NF2: variants seen among roughly 807,000 people sequenced by gnomAD.
NF2 encodes the protein merlin.
In NF2, 8 loss-of-function variants were observed where a neutral mutation model predicts 83.7. The observed-to-expected ratio is 0.10, with a 90% CI of 0.06 to 0.17. The LOEUF (loss-of-function observed/expected upper bound fraction) is 0.17. Among genes scored for constraint, NF2 ranks in the 10% least tolerant of loss-of-function variants. The probability of loss-of-function intolerance (pLI) is 1.00; values close to 1 mark genes in which losing one functional copy is unlikely to be tolerated. For synonymous variants in NF2, 266 were observed against 269.6 expected, an observed-to-expected ratio of 0.99 and a Z score of 0.13; for missense variants, 533 against 744.4, an observed-to-expected ratio of 0.72 and a Z score of 3.31.
Position 29,670,094 on chromosome 22 carries a change from G to C in NF2, c.999+1648G>C, listed in dbSNP as rs141506257. Among the ~76,000 whole-genome samples the C allele has an allele frequency of 1.7e-3, 263 of 152,112 alleles. 4 individuals are homozygous for C. The East Asian group carries it at 0.024, about 14-fold the overall frequency. On this transcript the variant is annotated intron_variant, in intron 10 of 15. Transcript: ENST00000338641. The stretch of plus-strand genomic sequence containing the variant: ...GCTCACTGTAACCTCAAGCTCCTGG[G>C]CTTGAGCAATCCTTCTGCCTCAGCC...
chr22:29,647,796 A>C (rs1474755165), intron 4 of NF2, among the ~76,000 whole-genome samples: 1 of 152,180 alleles, frequency 6.6e-6, no homozygotes, highest in African/African-American at 2.4e-5. Context: ...ACTGATAAAT[A>C]AACCTAGTTT....
intron 9 of NF2, 61 bp from the exon 10 acceptor site, chr22:29,668,272 C>T: frequency 8.2e-7 from 1 of 1,224,062 alleles, no homozygotes; most frequent in Non-Finnish European, 1.2e-6. Flanking sequence ...CACTAGTGGG[C>T]CAGTAGGCAG....
chr22:29,625,135 G>A (rs1443764625), intron 1 of NF2, among the ~76,000 whole-genome samples: 1 of 151,920 alleles, frequency 6.6e-6, no homozygotes, highest in African/African-American at 2.4e-5. Context: ...CACCATGTTG[G>A]CCAGGATGGT....
At chr22:29,640,651 G>A (rs972674056) in intron 3 of NF2, among the ~76,000 whole-genome samples, 14 of 152,104 alleles carry the variant, frequency 9.2e-5, no homozygotes, top group Admixed American at 6.5e-4. Flanking sequence ...AGATAGTTGG[G>A]TAGTCTGTCA....
Position 29,696,174 on chromosome 22 carries a change from A to G in NF2, c.*1372A>G, listed in dbSNP as rs2067548709. ...CTGCAACCTCCACCTCCTGAGTTCA[A>G]GCAATTCTCCTGCCTCAGCCTCCCA... On this transcript the variant is annotated 3_prime_UTR_variant, in exon 16 of 16. Coordinates refer to ENST00000338641, the MANE Select transcript of NF2 (RefSeq NM_000268.4). 4.5e-6 allele frequency: 1 copy of G among 221,130 alleles called. No homozygotes were observed. Among genetic ancestry groups the G allele is most frequent in the Non-Finnish European group, 9.0e-6 (1 of 111,330 alleles). 13.7% of individuals were successfully genotyped at this position (221,130 alleles called of 1,614,324 possible).
intron 14 of NF2, among the ~76,000 whole-genome samples, chr22:29,679,209 C>T (rs1475574307): frequency 1.3e-5 from 2 of 151,994 alleles, no homozygotes; most frequent in African/African-American, 2.4e-5. Flanking sequence ...GGTTGAAACC[C>T]CTCACCCATC....
chr22:29,680,543 T>C (rs1446964357), intron 14 of NF2, among the ~76,000 whole-genome samples: 2 of 152,264 alleles, frequency 1.3e-5, no homozygotes, highest in Admixed American at 1.3e-4. Context: ...GTATTTGTAT[T>C]GCATGGTTTT....
At chr22:29,624,923 T>TCTC in intron 1 of NF2, among the ~76,000 whole-genome samples, 1 of 140,152 alleles carries the variant, frequency 7.1e-6, no homozygotes, top group African/African-American at 2.8e-5. Context: ...CTCTCTCTCT[T>TCTC]TCTTTCTTTC....
At chr22:29,628,075 G>A (rs2146804481) in intron 1 of NF2, among the ~76,000 whole-genome samples, 1 of 151,834 alleles carries the variant, frequency 6.6e-6, no homozygotes, top group East Asian at 1.9e-4. Flanking sequence ...CCAACCACAA[G>A]CATCAAGCAT....
chr22:29,604,845 G>A (rs1442344337), intron 1 of NF2, among the ~76,000 whole-genome samples: 7 of 152,180 alleles, frequency 4.6e-5, no homozygotes, highest in Non-Finnish European at 1.0e-4. Context: ...CAACTTTGTA[G>A]ACTAGAGAAT....
intron 4 of NF2, among the ~76,000 whole-genome samples, chr22:29,647,155 G>C (rs1040450823): frequency 2.0e-5 from 3 of 152,126 alleles, no homozygotes; most frequent in African/African-American, 7.2e-5. Context: ...TGTTGGAAAT[G>C]TGTTCTTATT....
chr22:29,621,694 A>T lies in NF2; in HGVS notation c.115-15057A>T, dbSNP rs375009478. Among the ~76,000 whole-genome samples, 185 of 152,240 alleles carry T rather than the reference A, an allele frequency of 1.2e-3. 4 individuals are homozygous for T. Among genetic ancestry groups the T allele is most frequent in the Middle Eastern group, 3.4e-3 (1 of 294 alleles). On this transcript the variant is annotated intron_variant, in intron 1 of 15. Coordinates refer to ENST00000338641, the MANE Select transcript of NF2 (RefSeq NM_000268.4). ...AAAAAATAAATAAATAAAATAAATT[A>T]AAAAAATAAAAAGGAAATAAGTTCA... is the stretch of plus-strand genomic sequence containing the variant.
At chr22:29,671,259 G>A (rs943414783) in intron 10 of NF2, among the ~76,000 whole-genome samples, 4 of 152,158 alleles carry the variant, frequency 2.6e-5, no homozygotes, top group Admixed American at 6.5e-5. Flanking sequence ...TGCCAGGCGC[G>A]GCGGCTCATG....
At position 29,678,176 on chromosome 22, in the gene NF2, C is replaced by A; in HGVS notation, c.1447-20C>A. On this transcript the variant is annotated intron_variant, in intron 13 of 15. Coordinates refer to ENST00000338641, the MANE Select transcript of NF2 (RefSeq NM_000268.4). ...TGCTTGTATGACCCAAGCTCCTAAT[C>A]CGAAATTTCTCATTAACAGCCCATG... 4 of 1,613,576 alleles carry A rather than the reference C, an allele frequency of 2.5e-6. No homozygotes were observed. The highest frequency in any genetic ancestry group is 1.1e-5 in the South Asian group (1 of 91,036).
chr22:29,606,057 C>T (rs1329588043), intron 1 of NF2, among the ~76,000 whole-genome samples: 1 of 152,138 alleles, frequency 6.6e-6, no homozygotes, highest in African/African-American at 2.4e-5. Context: ...CGGGTTCAAG[C>T]GATTCTCCCA....
intron 1 of NF2, among the ~76,000 whole-genome samples, chr22:29,625,796 A>G (rs1251597482): frequency 6.6e-6 from 1 of 152,210 alleles, no homozygotes; most frequent in Non-Finnish European, 1.5e-5. Context: ...TTTTAAAGAC[A>G]GCCTTTTCTC....
Position 29,674,961 on chromosome 22 carries a change from G to C in NF2, c.1446+20G>C, listed in dbSNP as rs2147094334. On this transcript the variant is annotated intron_variant, in intron 13 of 15. Coordinates refer to ENST00000338641, the MANE Select transcript of NF2 (RefSeq NM_000268.4). Reference sequence around the variant, plus strand: ...TACCCGGTGAGCCTGGGGGCCACCAGCTGGGGCTGCCTTAGTCCTGGTGAT... The same window carrying C: ...TACCCGGTGAGCCTGGGGGCCACCACCTGGGGCTGCCTTAGTCCTGGTGAT... The C allele has an allele frequency of 6.5e-7, 1 of 1,547,640 alleles. No homozygotes were observed. The highest frequency in any genetic ancestry group is 2.4e-5 in the East Asian group (1 of 41,214).
intron 1 of NF2, among the ~76,000 whole-genome samples, chr22:29,628,050 C>T (rs1450555370): frequency 2.0e-5 from 3 of 152,032 alleles, no homozygotes; most frequent in African/African-American, 7.2e-5. Flanking sequence ...TCATGATTAT[C>T]ATCAACATCG....
Position 29,645,550 on chromosome 22 carries a change from C to T in NF2, c.447+3265C>T, listed in dbSNP as rs142804161. 3.8e-3 allele frequency among the ~76,000 whole-genome samples: 572 copies of T among 152,250 alleles called. 5 individuals are homozygous for T. Among genetic ancestry groups the T allele is most frequent in the African/African-American group, 0.012 (496 of 41,554 alleles). ...TGTGTCCTTTCAATCAGTATCACCC[C>T]GACAGTGATGAAGCAGTCATTGGCA... On this transcript the variant is annotated intron_variant, in intron 4 of 15. Coordinates refer to ENST00000338641, the MANE Select transcript of NF2 (RefSeq NM_000268.4).
Sources: gnomAD v4.1 joint callset for allele counts (sites outside exome capture counted in the v4.1 genomes callset) on GRCh38, gnomAD v4.1.1 for gene constraint, MANE v1.5 for transcripts, NCBI Gene and HGNC (gene_info 2026-07-23, HGNC 2026-07-21) for gene names.